Variants in ERBIN observed in about 807,000 individuals in gnomAD.
ERBIN encodes the protein densin-180-like protein.
Under a neutral mutation model 158.4 loss-of-function variants are expected in ERBIN, and 60 were observed. The ratio of observed to expected loss-of-function variants is 0.38; its 90% CI spans 0.31 to 0.47. ERBIN has a LOEUF of 0.47. Ranked by LOEUF, ERBIN falls within the 20% of genes least tolerant of loss-of-function variation. The pLI is 0.99. For synonymous variants in ERBIN, 594 were observed against 557.2 expected, an observed-to-expected ratio of 1.07 and a Z score of -0.93; for missense variants, 1,610 against 1,648.0, an observed-to-expected ratio of 0.98 and a Z score of 0.40.
At chr5:65,963,398 A>G (rs1365550363) in intron 1 of ERBIN, among the ~76,000 whole-genome samples, 1 of 152,180 alleles carries the variant, frequency 6.6e-6, no homozygotes, top group East Asian at 1.9e-4. Flanking sequence ...ACTTTACATG[A>G]CAGCCTGGCC....
At chr5:65,929,888 C>T (rs952516272) in intron 1 of ERBIN, among the ~76,000 whole-genome samples, 4 of 152,160 alleles carry the variant, frequency 2.6e-5, no homozygotes, top group African/African-American at 7.2e-5. Flanking sequence ...GATCTGCCCA[C>T]CTTGGCCTAC....
At chr5:65,947,232 C>A (rs994947573) in intron 1 of ERBIN, among the ~76,000 whole-genome samples, 7 of 152,010 alleles carry the variant, frequency 4.6e-5, no homozygotes, top group Admixed American at 3.9e-4. Context: ...TTGCATTTCC[C>A]TCTGTGATCC....
intron 7 of ERBIN, among the ~76,000 whole-genome samples, chr5:66,017,979 G>A (rs1754973608): frequency 6.6e-6 from 1 of 151,916 alleles, no homozygotes; most frequent in Non-Finnish European, 1.5e-5. Flanking sequence ...CCTTTTTCTA[G>A]GATGACTTGG....
chr5:65,999,201 C>G (rs1319769447), intron 4 of ERBIN, among the ~76,000 whole-genome samples: 1 of 151,980 alleles, frequency 6.6e-6, no homozygotes, highest in African/African-American at 2.4e-5. Context: ...CCCGTCTCTA[C>G]TAAAAATGCA....
chr5:66,078,445 A>G lies in ERBIN; in HGVS notation c.4154A>G (p.Asn1385Ser), dbSNP rs1227535178. 2 of 1,584,698 alleles carry G rather than the reference A, an allele frequency of 1.3e-6. No homozygotes were observed. The highest frequency in any genetic ancestry group is 1.2e-5 in the South Asian group (1 of 85,432). The stretch of plus-strand genomic sequence containing the variant: ...TAGGCTAATGGCTACAGTTTTATAA[A>G]TATTGAACATGGACAAGCAGTGTCC... ...IIQANGYSFI[N>S]IEHGQAVSLL... is the part of the protein sequence containing the mutation. The change falls in exon 26 of 26, where the codon AAT becomes AGT. Residue 1385 changes from asparagine to serine, a missense_variant. This residue lies in a region of ERBIN where 1,014 missense variants were observed against 936.1 expected (regional missense o/e 1.08). Transcript: ENST00000284037.
intron 4 of ERBIN, among the ~76,000 whole-genome samples, chr5:65,996,123 TTGTC>T (rs1200471511): frequency 6.6e-6 from 1 of 152,154 alleles, no homozygotes; most frequent in East Asian, 1.9e-4. Flanking sequence ...GTGATCCCGT[TTGTC>T]TGTTTTTGCT....
At chr5:66,016,613 A>G (rs913292481) in intron 7 of ERBIN, among the ~76,000 whole-genome samples, 4 of 121,096 alleles carry the variant, frequency 3.3e-5, no homozygotes, top group Non-Finnish European at 6.8e-5. Context: ...TCTTCATGAG[A>G]TCTTTTTTTT....
chr5:65,967,945 C>A (rs1748845584), intron 1 of ERBIN, among the ~76,000 whole-genome samples: 2 of 152,142 alleles, frequency 1.3e-5, no homozygotes, highest in South Asian at 4.2e-4. Flanking sequence ...CAGCAAGTGG[C>A]TGGTTTCAGA....
At position 66,076,865 on chromosome 5, in the gene ERBIN, G is replaced by A; in HGVS notation, c.4057-10G>A. On this transcript the variant is annotated splice_polypyrimidine_tract_variant and intron_variant, in intron 24 of 25. Transcript: ENST00000284037. The stretch of plus-strand genomic sequence containing the variant: ...TGTTTTTAGTTAAATAATTTTTTTT[G>A]TTGTTAAAGGGTATATTTGTAACAA... 1 of 1,588,338 alleles carries A rather than the reference G, an allele frequency of 6.3e-7. No individual in the cohort carries two copies.
intron 1 of ERBIN, among the ~76,000 whole-genome samples, chr5:65,927,817 G>C (rs978488243): frequency 6.6e-6 from 1 of 152,204 alleles, no homozygotes; most frequent in African/African-American, 2.4e-5. Flanking sequence ...TCAGAGCTAT[G>C]AACACTTCTG....
At chr5:65,941,027 G>T (rs1315071342) in intron 1 of ERBIN, among the ~76,000 whole-genome samples, 3 of 152,102 alleles carry the variant, frequency 2.0e-5, no homozygotes, top group African/African-American at 7.2e-5. Flanking sequence ...CCCCAACCCT[G>T]TGCTCTCTGA....
At chr5:66,058,081 C>G (rs1759816069) in intron 21 of ERBIN, among the ~76,000 whole-genome samples, 2 of 152,168 alleles carry the variant, frequency 1.3e-5, no homozygotes, top group South Asian at 4.2e-4. Flanking sequence ...AATGGTATTT[C>G]TAGTTCTAGA....
intron 1 of ERBIN, among the ~76,000 whole-genome samples, chr5:65,976,427 C>G (rs370641435): frequency 6.6e-6 from 1 of 152,002 alleles, no homozygotes; most frequent in Non-Finnish European, 1.5e-5. Flanking sequence ...GAGCTGAGAT[C>G]GCACCACTGT....
intron 22 of ERBIN, among the ~76,000 whole-genome samples, chr5:66,074,778 C>T (rs1245633678): frequency 6.6e-6 from 1 of 152,126 alleles, no homozygotes; most frequent in Non-Finnish European, 1.5e-5. Context: ...ATATGATGTA[C>T]TTCCATTTGA....
intron 15 of ERBIN, among the ~76,000 whole-genome samples, chr5:66,039,736 C>T (rs1478621145): frequency 6.6e-6 from 1 of 151,774 alleles, no homozygotes; most frequent in Non-Finnish European, 1.5e-5. Context: ...TATTGTATTG[C>T]TTAATTTGGA....
chr5:65,983,975 G>A (rs918829375), intron 1 of ERBIN, among the ~76,000 whole-genome samples: 9 of 152,116 alleles, frequency 5.9e-5, no homozygotes, highest in Admixed American at 2.6e-4. Context: ...GTGCACACCC[G>A]GGAACCACTG....
chr5:66,060,641 A>G (rs1301304384), intron 21 of ERBIN, among the ~76,000 whole-genome samples: 2 of 152,184 alleles, frequency 1.3e-5, no homozygotes, highest in East Asian at 1.9e-4. Context: ...TAGGGTGTCA[A>G]TTTTAGATCT....
intron 1 of ERBIN, among the ~76,000 whole-genome samples, chr5:65,976,832 G>A (rs1202121536): frequency 4.7e-5 from 7 of 150,460 alleles, no homozygotes; most frequent in African/African-American, 1.7e-4. Context: ...CAGGGTTGGG[G>A]GTAAGGTCAC....
At chr5:65,990,385 T>TATAGTAAAAA (rs1404672216) in intron 2 of ERBIN, among the ~76,000 whole-genome samples, 1 of 151,550 alleles carries the variant, frequency 6.6e-6, no homozygotes, top group African/African-American at 2.4e-5. Flanking sequence ...ACTGAGTAAG[T>TATAGTAAAAA]AGGCCGAGTG....
Sources: gnomAD v4.1 joint callset for allele counts (sites outside exome capture counted in the v4.1 genomes callset) on GRCh38, gnomAD v4.1.1 for gene constraint, gnomAD v4.1.1 regional missense constraint, MANE v1.5 for transcripts, NCBI Gene and HGNC (gene_info 2026-07-23, HGNC 2026-07-21) for gene names.